ATP10B: variants seen among roughly 807,000 people sequenced by gnomAD.
The protein encoded by ATP10B is phospholipid-transporting ATPase VB.
A neutral mutation model predicts 141.2 loss-of-function variants in ATP10B; 122 were observed. The ratio of observed to expected loss-of-function variants is 0.86; its 90% CI spans 0.75 to 1.00. The LOEUF is 1.00. ATP10B is among the 50% of genes least tolerant of loss of function. The pLI is 0.00. For missense variants in ATP10B, 1,876 were observed against 1,825.3 expected (o/e 1.03, Z -0.51); for synonymous variants, 685 against 692.0 (o/e 0.99, Z 0.16).
At chr5:160,638,198 T>C (rs1581242698) in intron 10 of ATP10B, among the ~76,000 whole-genome samples, 1 of 152,254 alleles carries the variant, frequency 6.6e-6, no homozygotes, top group South Asian at 2.1e-4. Context: ...ATCAGAGTCC[T>C]GTGTATGAGT....
intron 24 of ATP10B, among the ~76,000 whole-genome samples, chr5:160,572,116 G>C (rs1009000980): frequency 6.6e-6 from 1 of 151,828 alleles, no homozygotes; most frequent in Admixed American, 6.6e-5. Flanking sequence ...GGCTCAATTT[G>C]TTTCTCTAGC....
intron 6 of ATP10B, chr5:160,684,939 GA>G (rs1346033945): frequency 1.0e-5 from 7 of 703,386 alleles, no homozygotes. Context: ...GGATAACACA[GA>G]TTGGTATCAT....
chr5:160,878,736 G>A, the ATP10B span, among the ~76,000 whole-genome samples: 1 of 152,172 alleles, frequency 6.6e-6, no homozygotes, highest in Non-Finnish European at 1.5e-5. Context: ...GACATGAACA[G>A]ACACTTCTCA....
the ATP10B span, among the ~76,000 whole-genome samples, chr5:160,882,248 C>T: frequency 6.6e-5 from 10 of 152,100 alleles, no homozygotes; most frequent in East Asian, 1.5e-3. Context: ...TAATGTAAAA[C>T]GTAGAGTTGG....
At chr5:160,731,905 A>C (rs1766769967) in intron 2 of ATP10B, among the ~76,000 whole-genome samples, 1 of 152,198 alleles carries the variant, frequency 6.6e-6, no homozygotes, top group Non-Finnish European at 1.5e-5. Context: ...CTAAAATAAA[A>C]AATCCTACAG....
chr5:160,906,824 A>G, the ATP10B span, among the ~76,000 whole-genome samples: 1 of 152,174 alleles, frequency 6.6e-6, no homozygotes, highest in Non-Finnish European at 1.5e-5. Context: ...CAATGTGCTA[A>G]GGGTGGCAGA....
At chr5:160,926,830 T>C in the ATP10B span, among the ~76,000 whole-genome samples, 29 of 152,254 alleles carry the variant, frequency 1.9e-4, no homozygotes, top group South Asian at 2.1e-4. Context: ...CTGATAGATT[T>C]CTTTTGGTAC....
At chr5:160,915,806 C>T in the ATP10B span, among the ~76,000 whole-genome samples, 2 of 152,148 alleles carry the variant, frequency 1.3e-5, no homozygotes, top group East Asian at 1.9e-4. Context: ...GACATTCGTC[C>T]CACACACTCA....
At chr5:160,608,774 G>T (rs748277397) in intron 18 of ATP10B, among the ~76,000 whole-genome samples, 1 of 152,184 alleles carries the variant, frequency 6.6e-6, no homozygotes, top group African/African-American at 2.4e-5. Context: ...TTTTGATGGG[G>T]TTGTTTGATT....
chr5:160,620,425 G>A lies in ATP10B; in HGVS notation c.2338C>T (p.Pro780Ser). Residue 780 changes from proline (P) to serine (S), a missense_variant, in exon 15 of 26, where the codon CCA becomes TCA. Physicochemically the swap from Pro to Ser is moderately conservative, Grantham distance 74 (BLOSUM62 -1). Coordinates refer to ENST00000327245, the MANE Select transcript of ATP10B (RefSeq NM_025153.3). ...RKRMSVVVRH[P>S]LTGEIVVYTK... is the part of the protein sequence containing the mutation. ...TAGACAACAATCTCGCCAGTCAGTG[G>A]GTGCCTCACAACCACAGACATTCTC... 6 of 1,614,190 alleles carry A rather than the reference G, an allele frequency of 3.7e-6. No individual in the cohort carries two copies. Among genetic ancestry groups the A allele is most frequent in the Non-Finnish European group, 5.1e-6 (6 of 1,180,022 alleles).
rs1156712265 is a variant in ATP10B, at chr5:160,565,693, T to C, written c.4146A>G (p.Pro1382=). ...ITGQDFSAST[P]KSSNPPKRKH... is the part of the protein sequence containing the mutation. ...TCCTCTTGGGAGGGTTAGAGCTCTTTGGGGTGCTGGCACTGAAGTCCTGTC... is the reference window on the plus strand; with the variant it reads ...TCCTCTTGGGAGGGTTAGAGCTCTTCGGGGTGCTGGCACTGAAGTCCTGTC... The change falls in exon 26 of 26, where the codon CCA becomes CCG. Residue 1382 remains proline, a synonymous_variant. Transcript: ENST00000327245. 2 of 1,614,058 alleles carry C rather than the reference T, an allele frequency of 1.2e-6. No individual in the cohort carries two copies. The highest frequency in any genetic ancestry group is 2.2e-5 in the East Asian group (1 of 44,872).
chr5:160,695,489 A>AGTGTGTGTGT (rs59946073), intron 3 of ATP10B, among the ~76,000 whole-genome samples: 10 of 148,898 alleles, frequency 6.7e-5, no homozygotes, highest in African/African-American at 2.5e-4. Flanking sequence ...TGCGTGAGTG[A>AGTGTGTGTGT]GTGTGTGTGT....
At chr5:160,860,136 G>A in the ATP10B span, among the ~76,000 whole-genome samples, 4 of 151,836 alleles carry the variant, frequency 2.6e-5, no homozygotes, top group African/African-American at 7.2e-5. Context: ...TCTGCCCAGG[G>A]TTCTTGACTT....
intron 7 of ATP10B, among the ~76,000 whole-genome samples, chr5:160,650,095 A>G (rs1364647887): frequency 6.7e-6 from 1 of 149,610 alleles, no homozygotes; most frequent in Non-Finnish European, 1.5e-5. Context: ...GCAGAGCAAG[A>G]CTCTGTCTCA....
At chr5:160,867,756 A>G in the ATP10B span, among the ~76,000 whole-genome samples, 1 of 152,144 alleles carries the variant, frequency 6.6e-6, no homozygotes, top group Admixed American at 6.6e-5. Flanking sequence ...CCCCTTTTCA[A>G]AGGAATTAGA....
intron 2 of ATP10B, among the ~76,000 whole-genome samples, chr5:160,740,895 C>T (rs1767421646): frequency 6.6e-6 from 1 of 152,212 alleles, no homozygotes; most frequent in South Asian, 2.1e-4. Flanking sequence ...GGAAGATACG[C>T]TATCCCTTGA....
At chr5:160,655,678 T>C (rs1220635968) in intron 7 of ATP10B, among the ~76,000 whole-genome samples, 1 of 152,192 alleles carries the variant, frequency 6.6e-6, no homozygotes, top group Non-Finnish European at 1.5e-5. Context: ...CCTTCTTTTA[T>C]GGGACTTCTT....
chr5:160,610,102 T>G (rs1757632682), intron 18 of ATP10B, among the ~76,000 whole-genome samples: 1 of 152,154 alleles, frequency 6.6e-6, no homozygotes, highest in African/African-American at 2.4e-5. Context: ...CCTTGTGTAA[T>G]CTCCTTTTAT....
At chr5:160,608,414 G>A (rs894736580) in intron 18 of ATP10B, among the ~76,000 whole-genome samples, 1 of 152,030 alleles carries the variant, frequency 6.6e-6, no homozygotes, top group Non-Finnish European at 1.5e-5. Context: ...CTTTATAGTC[G>A]CATGATTTAT....
Sources: gnomAD v4.1 joint callset for allele counts (sites outside exome capture counted in the v4.1 genomes callset) on GRCh38, gnomAD v4.1.1 for gene constraint, MANE v1.5 for transcripts, NCBI Gene and HGNC (gene_info 2026-07-23, HGNC 2026-07-21) for gene names.